SLC16A10: variants seen among roughly 807,000 people sequenced by gnomAD.
The protein encoded by SLC16A10 is monocarboxylate transporter 10.
SLC16A10 carries 27 observed loss-of-function variants against 40.0 expected under a neutral mutation model. The ratio of observed to expected loss-of-function variants is 0.67; its 90% CI spans 0.50 to 0.93. The LOEUF is 0.93. Ranked by LOEUF, SLC16A10 falls within the 40% of genes least tolerant of loss-of-function variation. The pLI, the probability that SLC16A10 is intolerant of heterozygous loss-of-function variation, is 0.00. For synonymous variants in SLC16A10, 213 were observed against 249.8 expected (o/e 0.85, Z 1.39); for missense variants, 529 against 658.2 (o/e 0.80, Z 2.15).
rs147544357 is a variant in SLC16A10 at position 111,186,963 on chromosome 6, A to G, written c.942+9298A>G. On this transcript the variant is annotated intron_variant, in intron 3 of 5. Transcript: ENST00000368851. ...GGAATCCCTATATCTCTGTTATGCA[A>G]TCCCTGTATCTCTGTATCCATGTTA... Among the ~76,000 whole-genome samples the G allele has an allele frequency of 5.2e-3, 789 of 152,220 alleles. 6 individuals carry two copies. The highest frequency in any genetic ancestry group is 8.7e-3 in the Non-Finnish European group (595 of 68,018).
At chr6:111,181,645 G>A (rs967097174) in intron 3 of SLC16A10, among the ~76,000 whole-genome samples, 2 of 152,142 alleles carry the variant, frequency 1.3e-5, no homozygotes, top group African/African-American at 2.4e-5. Flanking sequence ...TGCTCTCATT[G>A]CTATGTTAAA....
At chr6:111,130,666 C>A (rs74859638) in intron 1 of SLC16A10, among the ~76,000 whole-genome samples, 14,323 of 152,230 alleles carry the variant, frequency 0.094, 785 homozygotes, top group East Asian at 0.24. Context: ...GAGTGTGTTA[C>A]CCTCCCACCA....
chr6:111,181,550 G>A (rs1324311438), intron 3 of SLC16A10, among the ~76,000 whole-genome samples: 1 of 152,210 alleles, frequency 6.6e-6, no homozygotes. Context: ...TTGAGCATGA[G>A]ATTTTGTGTA....
intron 3 of SLC16A10, among the ~76,000 whole-genome samples, chr6:111,202,198 G>A (rs909447219): frequency 7.2e-5 from 11 of 152,238 alleles, no homozygotes; most frequent in Admixed American, 3.3e-4. Flanking sequence ...ACCCACGGCC[G>A]GGTGTGGTGG....
At chr6:111,134,556 A>G (rs1199723247) in intron 1 of SLC16A10, among the ~76,000 whole-genome samples, 2 of 151,556 alleles carry the variant, frequency 1.3e-5, no homozygotes, top group Non-Finnish European at 2.9e-5. Flanking sequence ...GACAAATGGG[A>G]TAAAAAAAAA....
intron 1 of SLC16A10, among the ~76,000 whole-genome samples, chr6:111,127,275 G>T (rs1771691516): frequency 6.6e-6 from 1 of 152,174 alleles, no homozygotes; most frequent in East Asian, 1.9e-4. Context: ...GTGCTAGTTG[G>T]GAAGTCCTAT....
chr6:111,210,977 C>A (rs1039319801), intron 4 of SLC16A10, among the ~76,000 whole-genome samples: 6 of 150,332 alleles, frequency 4.0e-5, no homozygotes, highest in African/African-American at 1.5e-4. Context: ...GAGCCGAGAT[C>A]GCACTACTGC....
At chr6:111,104,522 C>T (rs544816821) in intron 1 of SLC16A10, among the ~76,000 whole-genome samples, 318 of 152,312 alleles carry the variant, frequency 2.1e-3, no homozygotes, top group Non-Finnish European at 3.7e-3. Flanking sequence ...CCCACAAAAT[C>T]ATGTCGACAG....
chr6:111,159,087 A>AG (rs1772325284), intron 1 of SLC16A10, among the ~76,000 whole-genome samples: 1 of 150,804 alleles, frequency 6.6e-6, no homozygotes, highest in Admixed American at 6.6e-5. Flanking sequence ...AAAAAAAAAA[A>AG]AAAAAAAAAG....
At chr6:111,152,962 C>A (rs1455614422) in intron 1 of SLC16A10, among the ~76,000 whole-genome samples, 1 of 152,110 alleles carries the variant, frequency 6.6e-6, no homozygotes, top group Non-Finnish European at 1.5e-5. Context: ...TGTGTGTGCA[C>A]ATGCATGTGT....
At chr6:111,101,399 T>C (rs9398265) in intron 1 of SLC16A10, among the ~76,000 whole-genome samples, 124,774 of 151,872 alleles carry the variant, frequency 0.82, 51,399 homozygotes, top group Non-Finnish European at 0.86. Context: ...AAAAAAGTAA[T>C]CTGGTACAGA....
At chr6:111,121,246 T>G (rs1458289413) in intron 1 of SLC16A10, among the ~76,000 whole-genome samples, 2 of 152,164 alleles carry the variant, frequency 1.3e-5, no homozygotes, top group Admixed American at 6.5e-5. Flanking sequence ...ATTAGTCCAG[T>G]TCATTGGCAG....
chr6:111,163,241 C>T (rs1427824600), intron 1 of SLC16A10, among the ~76,000 whole-genome samples: 1 of 148,376 alleles, frequency 6.7e-6, no homozygotes, highest in Non-Finnish European at 1.5e-5. Flanking sequence ...CAAGCTCCGC[C>T]TCCCGGGTTC....
In SLC16A10 at chr6:111,183,496, C is replaced by T. The variant is rs140322377; in HGVS notation, c.942+5831C>T. Among the ~76,000 whole-genome samples the T allele has an allele frequency of 1.4e-3, 212 of 152,272 alleles. 1 individual carries two copies. The highest frequency in any genetic ancestry group is 0.011 in the South Asian group (51 of 4,830). On this transcript the variant is annotated intron_variant, in intron 3 of 5. Transcript: ENST00000368851. ...GGGTGCTCAAATATTTGTTGAATGACTAAATATATTCTGGGTGAGTCTGAA... is the reference window on the plus strand; with the variant it reads ...GGGTGCTCAAATATTTGTTGAATGATTAAATATATTCTGGGTGAGTCTGAA...
intron 3 of SLC16A10, among the ~76,000 whole-genome samples, chr6:111,194,742 C>A (rs1297128993): frequency 1.3e-5 from 2 of 152,184 alleles, no homozygotes; most frequent in Non-Finnish European, 1.5e-5. Context: ...CTCCTTACTC[C>A]TCAGGTGCTC....
intron 3 of SLC16A10, among the ~76,000 whole-genome samples, chr6:111,183,988 A>G (rs1167383775): frequency 6.7e-6 from 1 of 150,274 alleles, no homozygotes; most frequent in African/African-American, 2.5e-5. Context: ...GATAAATGCC[A>G]AATATGACAA....
At chr6:111,178,068 G>C (rs1772721402) in intron 3 of SLC16A10, among the ~76,000 whole-genome samples, 1 of 152,214 alleles carries the variant, frequency 6.6e-6, no homozygotes, top group African/African-American at 2.4e-5. Flanking sequence ...GGCTAAAATA[G>C]TGGAACAAAT....
chr6:111,101,013 T>TAA (rs1771176862), intron 1 of SLC16A10, among the ~76,000 whole-genome samples: 1 of 133,608 alleles, frequency 7.5e-6, no homozygotes, highest in East Asian at 2.1e-4. Flanking sequence ...TATATATATA[T>TAA]ATATAAATAT....
At chr6:111,100,992 C>CTCTCTATA (rs1410556945) in intron 1 of SLC16A10, among the ~76,000 whole-genome samples, 4 of 66,426 alleles carry the variant, frequency 6.0e-5, no homozygotes, top group African/African-American at 2.6e-4. Context: ...CTCTCTCTCT[C>CTCTCTATA]TATATATATA....
Sources: gnomAD v4.1 joint callset for allele counts (sites outside exome capture counted in the v4.1 genomes callset) on GRCh38, gnomAD v4.1.1 for gene constraint, MANE v1.5 for transcripts, NCBI Gene and HGNC (gene_info 2026-07-23, HGNC 2026-07-21) for gene names.